TMEM80: variants seen among roughly 807,000 people sequenced by gnomAD.
TMEM80 encodes transmembrane protein 80.
Under a neutral mutation model 13.6 loss-of-function variants are expected in TMEM80, and 16 were observed. That is an observed-to-expected ratio of 1.17 (90% CI 0.79 to 1.78). TMEM80 has a LOEUF of 1.78. Ranked by LOEUF, TMEM80 falls within the 40% of genes most tolerant of loss-of-function variation. The pLI, the probability that TMEM80 is intolerant of heterozygous loss-of-function variation, is 0.00. For synonymous variants in TMEM80, 92 were observed against 89.5 expected, an observed-to-expected ratio of 1.03 and a Z score of -0.16; for missense variants, 167 against 184.6, an observed-to-expected ratio of 0.90 and a Z score of 0.55.
Position 703,453 on chromosome 11 carries a change from G to A in TMEM80, c.*303G>A, listed in dbSNP as rs1861591826. On this transcript the variant is annotated 3_prime_UTR_variant, in exon 5 of 5. Coordinates refer to ENST00000397510, the MANE Select transcript of TMEM80 (RefSeq NM_001042463.3). Reference sequence around the variant, plus strand: ...CAGTGGGGTCTGGCTTTAGCAGCCAGGCCTCCACAGACCCCCATGGGCCCC... The same window carrying A: ...CAGTGGGGTCTGGCTTTAGCAGCCAAGCCTCCACAGACCCCCATGGGCCCC... The A allele has an allele frequency of 1.6e-6, 2 of 1,275,972 alleles. No homozygotes were observed. Among genetic ancestry groups the A allele is most frequent in the East Asian group, 6.1e-5 (2 of 32,660 alleles). The allele number at this position is 1,275,972 out of a possible 1,614,324, so 79.0% of individuals were successfully genotyped here.
At chr11:697,031 C>T (rs1312108878) in intron 1 of TMEM80, among the ~76,000 whole-genome samples, 2 of 144,342 alleles carry the variant, frequency 1.4e-5, no homozygotes, top group African/African-American at 5.1e-5. Flanking sequence ...GGGTGGGGTG[C>T]GGAGGTTGCA....
At chr11:697,377 A>C (rs1479131188) in intron 1 of TMEM80, 1 of 152,268 alleles carries the variant, frequency 6.6e-6, no homozygotes, top group Non-Finnish European at 1.5e-5. Context: ...ATTCGTAGCC[A>C]CATTGTGATT....
At chr11:697,650 C>A (rs1861261992) in intron 1 of TMEM80, 1 of 152,186 alleles carries the variant, frequency 6.6e-6, no homozygotes, top group Admixed American at 6.5e-5. Context: ...ACAGAAGGGA[C>A]AAAAACCCCA....
In TMEM80 at chr11:702,954, G is replaced by A. The variant is rs748444751; in HGVS notation, c.236G>A (p.Gly79Asp). The change falls in exon 5 of 5, where the codon GGC becomes GAC. Residue 79 changes from glycine (G) to aspartate (D), a missense_variant. By Grantham distance (94) the Gly-to-Asp change is moderately conservative. Coordinates refer to ENST00000397510, the MANE Select transcript of TMEM80 (RefSeq NM_001042463.3). The part of the protein sequence containing the change: ...EAVRLYLGTR[G>D]NLTEAERPLA... Reference sequence around the variant, plus strand: ...TTGCTCTGTTCTCCAGGCACCAGGGGCAACCTGACAGAGGCTGAGAGGCCG... The same window carrying A: ...TTGCTCTGTTCTCCAGGCACCAGGGACAACCTGACAGAGGCTGAGAGGCCG... The A allele has an allele frequency of 3.1e-6, 5 of 1,606,704 alleles. No homozygotes were observed. Among genetic ancestry groups the A allele is most frequent in the Non-Finnish European group, 3.4e-6 (4 of 1,176,744 alleles).
downstream of TMEM80, chr11:704,432 T>G (rs1195314153): frequency 1.6e-6 from 2 of 1,288,160 alleles, no homozygotes; most frequent in African/African-American, 3.0e-5. Flanking sequence ...GACCTGTCTG[T>G]GGCCCCCAGT....
At position 703,793 on chromosome 11, in the gene TMEM80, C is replaced by A; in HGVS notation, c.*643C>A. 1 of 1,233,120 alleles carries A rather than the reference C, an allele frequency of 8.1e-7. No individual in the cohort carries two copies. The highest frequency in any genetic ancestry group is 1.0e-6 in the Non-Finnish European group (1 of 989,056). 76.4% of individuals were successfully genotyped at this position (1,233,120 alleles called of 1,614,324 possible). On this transcript the variant is annotated 3_prime_UTR_variant, in exon 5 of 5. Transcript: ENST00000397510. ...AATTTCCATCTTAGCCACACTTCTC[C>A]CTTCAGGGGCTTCGGAGGAGAGGTC...
At chr11:699,834 TG>T (rs1203250204) in intron 2 of TMEM80, 1 of 323,850 alleles carries the variant, frequency 3.1e-6, no homozygotes, top group African/African-American at 2.1e-5. Flanking sequence ...TCACTGGGGA[TG>T]CCAGTGTGTG....
intron 3 of TMEM80, among the ~76,000 whole-genome samples, 184 bp downstream of exon 3, chr11:700,419 C>T (rs1053537404): frequency 6.6e-5 from 10 of 151,376 alleles, no homozygotes; most frequent in Admixed American, 1.3e-4. Flanking sequence ...CCCAGCTACT[C>T]GGGAGACTGA....
intron 2 of TMEM80, 174 bp from the exon 3 acceptor site, chr11:699,968 G>A (rs1162942736): frequency 3.4e-6 from 2 of 581,372 alleles, no homozygotes; most frequent in Non-Finnish European, 6.1e-6. Flanking sequence ...GGACCACATT[G>A]GCAGCCAGCA....
intron 2 of TMEM80, 135 bp downstream of exon 2, chr11:699,023 G>A: frequency 1.9e-6 from 2 of 1,034,052 alleles, no homozygotes; most frequent in Non-Finnish European, 3.0e-6. Flanking sequence ...GGTGTTCCTT[G>A]ACAGATTTAG....
chr11:703,814 A>T lies in TMEM80; in HGVS notation c.*664A>T. On this transcript the variant is annotated 3_prime_UTR_variant, in exon 5 of 5. Coordinates refer to ENST00000397510, the MANE Select transcript of TMEM80 (RefSeq NM_001042463.3). The stretch of plus-strand genomic sequence containing the variant: ...TCTCCCTTCAGGGGCTTCGGAGGAG[A>T]GGTCAGGGCTAAGGCCGGGGATGAG... 8.1e-7 allele frequency: 1 copy of T among 1,232,786 alleles called. No individual in the cohort carries two copies. Among genetic ancestry groups the T allele is most frequent in the Non-Finnish European group, 1.0e-6 (1 of 988,846 alleles). The allele number at this position is 1,232,786 out of a possible 1,614,324, so 76.4% of individuals were successfully genotyped here.
chr11:695,755 G>A (rs1861102978), upstream of TMEM80: 15 of 1,239,224 alleles, frequency 1.2e-5, no homozygotes, highest in Non-Finnish European at 1.4e-5. Context: ...ACGCGAAAAT[G>A]GCCGAAGGAG....
At chr11:704,760 T>C, downstream of TMEM80, 1 of 769,564 alleles carries the variant, frequency 1.3e-6, no homozygotes, top group South Asian at 1.6e-5. Flanking sequence ...GAGGCCAGCC[T>C]GGACTGTCTC....
rs1454063840 is a variant in TMEM80 at position 703,309 on chromosome 11, C to T, written c.*159C>T. On this transcript the variant is annotated 3_prime_UTR_variant, in exon 5 of 5. Transcript: ENST00000397510. ...CCATCTGTTCTGGCAGGAGTGGGAG[C>T]AGGAGCCAGGGCAGAACAAACTGCT... The T allele has an allele frequency of 7.0e-7, 1 of 1,422,266 alleles. No individual in the cohort carries two copies. The highest frequency in any genetic ancestry group is 9.2e-7 in the Non-Finnish European group (1 of 1,085,976). 88.1% of individuals were successfully genotyped at this position (1,422,266 alleles called of 1,614,324 possible).
In TMEM80 at chr11:703,251, C is replaced by G. The variant is rs1371663199; in HGVS notation, c.*101C>G. ...TTCCTGGACAGGAAGGGCACTTTTC[C>G]TAGTGACTGGCCATAGATGGTTTTG... On this transcript the variant is annotated 3_prime_UTR_variant, in exon 5 of 5. Transcript: ENST00000397510. The G allele has an allele frequency of 2.9e-5, 42 of 1,457,912 alleles. No individual in the cohort carries two copies. Among genetic ancestry groups the G allele is most frequent in the Non-Finnish European group, 3.8e-5 (42 of 1,098,412 alleles). 90.3% of individuals were successfully genotyped at this position (1,457,912 alleles called of 1,614,324 possible).
At position 703,637 on chromosome 11, in the gene TMEM80, G is replaced by A. The variant is rs967987362; in HGVS notation, c.*487G>A. 19 of 1,232,718 alleles carry A rather than the reference G, an allele frequency of 1.5e-5. No homozygotes were observed. Among genetic ancestry groups the A allele is most frequent in the Admixed American group, 4.2e-5 (1 of 23,754 alleles). The allele number at this position is 1,232,718 out of a possible 1,614,324, so 76.4% of individuals were successfully genotyped here. ...TGTGTTTCCAAGTCGGGCTGGAGACGCAGGATGGGGTAGGCCTTGTGCTCT... is the reference window on the plus strand; with the variant it reads ...TGTGTTTCCAAGTCGGGCTGGAGACACAGGATGGGGTAGGCCTTGTGCTCT... On this transcript the variant is annotated 3_prime_UTR_variant, in exon 5 of 5. Coordinates refer to ENST00000397510, the MANE Select transcript of TMEM80 (RefSeq NM_001042463.3).
At chr11:696,806 G>T (rs1213687722) in intron 1 of TMEM80, among the ~76,000 whole-genome samples, 1 of 149,136 alleles carries the variant, frequency 6.7e-6, no homozygotes, top group Non-Finnish European at 1.5e-5. Flanking sequence ...AAGGCCAGGC[G>T]CAGTAGCTCA....
intron 1 of TMEM80, among the ~76,000 whole-genome samples, chr11:698,267 G>A (rs1861289560): frequency 6.6e-6 from 1 of 152,018 alleles, no homozygotes; most frequent in African/African-American, 2.4e-5. Flanking sequence ...GGAGGAAAGA[G>A]ACTCCACTCA....
intron 2 of TMEM80, 32 bp from the exon 3 acceptor site, chr11:700,110 G>A (rs761979580): frequency 1.3e-6 from 2 of 1,594,542 alleles, no homozygotes; most frequent in East Asian, 2.2e-5. Context: ...TCCCAAGCCT[G>A]TTGAGCTTGA....
Sources: gnomAD v4.1 joint callset for allele counts (sites outside exome capture counted in the v4.1 genomes callset) on GRCh38, gnomAD v4.1.1 for gene constraint, MANE v1.5 for transcripts, NCBI Gene and HGNC (gene_info 2026-07-23, HGNC 2026-07-21) for gene names.